The following NCKAP5L variants were observed in gnomAD, a reference collection of about 807,000 sequenced individuals.
NCKAP5L encodes nck-associated protein 5-like.
A neutral mutation model predicts 103.2 loss-of-function variants in NCKAP5L; 54 were observed. That is an observed-to-expected ratio of 0.52 (90% confidence interval 0.42 to 0.66). The LOEUF (loss-of-function observed/expected upper bound fraction) is 0.66. Ranked by LOEUF, NCKAP5L falls within the 30% of genes least tolerant of loss-of-function variation. The probability of loss-of-function intolerance (pLI) is 0.00; values close to 1 mark genes in which losing one functional copy is unlikely to be tolerated. For synonymous variants in NCKAP5L, 762 were observed against 748.6 expected, an observed-to-expected ratio of 1.02 and a Z score of -0.29; for missense variants, 1,733 against 1,750.6, an observed-to-expected ratio of 0.99 and a Z score of 0.18.
intron 1 of NCKAP5L, among the ~76,000 whole-genome samples, chr12:49,813,463 T>A (rs1163393133): frequency 6.6e-6 from 1 of 152,222 alleles, no homozygotes; most frequent in Non-Finnish European, 1.5e-5. Context: ...GTTTTTCAAA[T>A]TTTTGCTGAT....
intron 1 of NCKAP5L, among the ~76,000 whole-genome samples, chr12:49,811,869 C>T (rs1372543007): frequency 6.6e-6 from 1 of 152,178 alleles, no homozygotes; most frequent in Non-Finnish European, 1.5e-5. Context: ...AGCCAAACTT[C>T]TCAAAAAACA....
At chr12:49,808,794 C>A (rs1192871929) in intron 1 of NCKAP5L, among the ~76,000 whole-genome samples, 1 of 152,188 alleles carries the variant, frequency 6.6e-6, no homozygotes, top group East Asian at 1.9e-4. Context: ...CCCCAGGCTT[C>A]GGGTTTTTGG....
chr12:49,810,310 TAGCCCAGCCG>T (rs1946225709), intron 1 of NCKAP5L, among the ~76,000 whole-genome samples: 1 of 152,204 alleles, frequency 6.6e-6, no homozygotes, highest in African/African-American at 2.4e-5. Context: ...CAGGCCGTCC[TAGCCCAGCCG>T]AGGGTACTGG....
chr12:49,807,732 CCACCCT>C (rs1369693756), intron 1 of NCKAP5L, among the ~76,000 whole-genome samples: 9 of 152,222 alleles, frequency 5.9e-5, no homozygotes, highest in Non-Finnish European at 1.2e-4. Flanking sequence ...CTGACCAGTG[CCACCCT>C]CACCCACAAC....
At chr12:49,815,652 G>A (rs1302110070) in intron 1 of NCKAP5L, among the ~76,000 whole-genome samples, 1 of 152,084 alleles carries the variant, frequency 6.6e-6, no homozygotes, top group Non-Finnish European at 1.5e-5. Context: ...GCTACACCTG[G>A]TTAATTTTTA....
At chr12:49,801,814 G>C (rs759334089) in intron 6 of NCKAP5L, 34 bp downstream of exon 6, 2 of 1,611,782 alleles carry the variant, frequency 1.2e-6, no homozygotes, top group Non-Finnish European at 1.7e-6. Context: ...GCAGGAGGCA[G>C]TGCGATGGGA....
At chr12:49,814,057 C>A (rs1946270307) in intron 1 of NCKAP5L, among the ~76,000 whole-genome samples, 1 of 151,950 alleles carries the variant, frequency 6.6e-6, no homozygotes, top group South Asian at 2.1e-4. Context: ...AATCCTCCTG[C>A]CTTGGCCTCC....
chr12:49,823,421 G>A (rs1210849545), intron 1 of NCKAP5L, among the ~76,000 whole-genome samples: 16 of 152,152 alleles, frequency 1.1e-4, no homozygotes, highest in Admixed American at 1.0e-3. Context: ...GAGAACCCCA[G>A]AGCCACACTA....
chr12:49,800,598 T>A (rs993568786), intron 6 of NCKAP5L, among the ~76,000 whole-genome samples: 8 of 152,222 alleles, frequency 5.3e-5, no homozygotes, highest in African/African-American at 1.9e-4. Context: ...TCACGTCAAC[T>A]GCAATATGGG....
rs779317201 is a variant in NCKAP5L at position 49,792,756 on chromosome 12, G to A, written c.3571C>T (p.Arg1191Trp). 4.4e-6 allele frequency: 7 copies of A among 1,607,864 alleles called. No homozygotes were observed. Among genetic ancestry groups the A allele is most frequent in the East Asian group, 2.2e-5 (1 of 44,684 alleles). Residue 1191 changes from arginine to tryptophan, a missense_variant, in exon 11 of 13, where the codon CGG (arginine) becomes TGG (tryptophan). Physicochemically the swap from Arg to Trp is moderately radical, Grantham distance 101. Transcript: ENST00000335999. This position sits in a 1 kb window ranked among gnomAD's most constrained non-coding sequence, Gnocchi z 4.5. ...GGGAAGGCTGGCATGCTGGGGTGCC[G>A]CCCACTCACCAGCAGCTCCTCTATG... ...PGIEELLVSGRHPSMPAFPAL... is the reference protein window; with the variant it reads ...PGIEELLVSGWHPSMPAFPAL...
chr12:49,793,252 C>T, intron 10 of NCKAP5L, 100 bp downstream of exon 10: 1 of 1,240,458 alleles, frequency 8.1e-7, no homozygotes, highest in Non-Finnish European at 1.1e-6. Context: ...AGATGGCACA[C>T]AGAGCCTGGC....
At position 49,792,347 on chromosome 12, in the gene NCKAP5L, G is replaced by A. The variant is rs1945949587; in HGVS notation, c.3792+99C>T. On this transcript the variant is annotated intron_variant, in intron 12 of 12. Transcript: ENST00000335999. This position sits in a 1 kb window ranked among gnomAD's most constrained non-coding sequence, Gnocchi z 4.5. ...TCCCAGAGGGTGCAGCACTGAGACT[G>A]TGCGACACACAGGCCGTACCTTACT... The A allele has an allele frequency of 1.9e-6, 3 of 1,555,632 alleles. No homozygotes were observed. In the South Asian group the frequency reaches 3.6e-5, roughly 19 times the overall value.
At position 49,796,257 on chromosome 12, in the gene NCKAP5L, G is replaced by A. The variant is rs772857634; in HGVS notation, c.1603C>T (p.Leu535Phe). The A allele has an allele frequency of 4.5e-6, 7 of 1,564,176 alleles. No individual in the cohort carries two copies. Among genetic ancestry groups the A allele is most frequent in the Non-Finnish European group, 6.1e-6 (7 of 1,155,184 alleles). ...GACAAGGCTGACTGCGGGGGTCTGA[G>A]CTGTGTGGAGTCTGGGGTTGTGTAG... ...PCYTTPDSTQ[L>F]RPPQSALSTT... is the part of the protein sequence containing the mutation. The change falls in exon 8 of 13, where the codon CTC becomes TTC. Residue 535 changes from leucine to phenylalanine, a missense_variant. Transcript: ENST00000335999.
chr12:49,824,610 C>T (rs1426904233), intron 1 of NCKAP5L, among the ~76,000 whole-genome samples: 2 of 152,194 alleles, frequency 1.3e-5, no homozygotes, highest in Non-Finnish European at 2.9e-5. Context: ...CCACTGTGTC[C>T]CCGGAGGGAA....
chr12:49,824,140 G>T (rs1412171593), intron 1 of NCKAP5L, among the ~76,000 whole-genome samples: 3 of 152,210 alleles, frequency 2.0e-5, no homozygotes, highest in Non-Finnish European at 4.4e-5. Flanking sequence ...CTGCAGCAGG[G>T]CCTGGTGAGT....
In NCKAP5L at chr12:49,793,792, C is replaced by G. The variant is rs201340723; in HGVS notation, c.3200G>C (p.Cys1067Ser). Residue 1067 changes from cysteine to serine, a missense_variant, in exon 9 of 13, where the codon TGT becomes TCT. Coordinates refer to ENST00000335999, the MANE Select transcript of NCKAP5L (RefSeq NM_001037806.4). ...SSDPKSPWPA[C>S]GPRNGLVGPL... ...GCCCACCAGGCCATTCCGGGGCCCA[C>G]AGGCTGGCCAGGGGCTCTTGGGGTC... 5 of 1,604,920 alleles carry G rather than the reference C, an allele frequency of 3.1e-6. No homozygotes were observed. The highest frequency in any genetic ancestry group is 3.4e-5 in the Admixed American group (2 of 58,754).
At chr12:49,803,845 A>T (rs1946149111) in intron 3 of NCKAP5L, 77 bp downstream of exon 3, 3 of 1,529,030 alleles carry the variant, frequency 2.0e-6, no homozygotes, top group Non-Finnish European at 2.6e-6. Flanking sequence ...ACCTGCAGGA[A>T]GCTCAGAGGG....
chr12:49,803,133 T>A lies in NCKAP5L; in HGVS notation c.156A>T (p.Glu52Asp), dbSNP rs1194883092. ...AENSALAQAN[E>D]NQRETYERCL... ...AGCGCTCATAAGTCTCCCGCTGGTT[T>A]TCGTTGGCCTGGGCAAGTGCCGAGT... is the stretch of plus-strand genomic sequence containing the variant. Residue 52 changes from glutamate to aspartate, a missense_variant, in exon 4 of 13, where the codon GAA (glutamate) becomes GAT (aspartate). Coordinates refer to ENST00000335999, the MANE Select transcript of NCKAP5L (RefSeq NM_001037806.4). 6.2e-7 allele frequency: 1 copy of A among 1,614,200 alleles called. No individual in the cohort carries two copies. The highest frequency in any genetic ancestry group is 8.5e-7 in the Non-Finnish European group (1 of 1,180,032).
chr12:49,795,119 G>C lies in NCKAP5L; in HGVS notation c.2741C>G (p.Thr914Ser). 1 of 1,613,286 alleles carries C rather than the reference G, an allele frequency of 6.2e-7. No individual in the cohort carries two copies. The highest frequency in any genetic ancestry group is 8.5e-7 in the Non-Finnish European group (1 of 1,179,768). The change falls in exon 8 of 13, where the codon ACC (threonine) becomes AGC (serine). Residue 914 changes from threonine to serine, a missense_variant. Coordinates refer to ENST00000335999, the MANE Select transcript of NCKAP5L (RefSeq NM_001037806.4). ...APGAEVKHRNTSSIASWFGLK... is the reference protein window; with the variant it reads ...APGAEVKHRNSSSIASWFGLK... ...GCCGAACCAGCTGGCGATGCTGCTG[G>C]TGTTGCGGTGCTTGACCTCGGCGCC...
Sources: gnomAD v4.1 joint callset for allele counts (sites outside exome capture counted in the v4.1 genomes callset) on GRCh38, gnomAD v4.1.1 for gene constraint, Gnocchi (gnomAD v3.1) non-coding constraint, MANE v1.5 for transcripts, NCBI Gene and HGNC (gene_info 2026-07-23, HGNC 2026-07-21) for gene names.